The following ACYP2 variants were observed in gnomAD, a reference collection of about 807,000 sequenced individuals.
The protein encoded by ACYP2 is acylphosphatase 2.
ACYP2 carries 12 observed loss-of-function variants against 11.2 expected under a neutral mutation model. The ratio of observed to expected loss-of-function variants is 1.08; its 90% confidence interval spans 0.69 to 1.74. The LOEUF is 1.74. ACYP2 is among the 40% of genes most tolerant of loss of function. ACYP2 has a pLI of 0.00. For missense variants in ACYP2, 134 were observed against 101.9 expected, an observed-to-expected ratio of 1.31 and a Z score of -1.35; for synonymous variants, 43 against 32.2, an observed-to-expected ratio of 1.33 and a Z score of -1.13.
At chr2:54,119,624 A>G (rs1680028450) in intron 4 of ACYP2, among the ~76,000 whole-genome samples, 1 of 152,226 alleles carries the variant, frequency 6.6e-6, no homozygotes, top group South Asian at 2.1e-4. Flanking sequence ...ACCCTCCTGT[A>G]TGGAAAATTG....
intron 6 of ACYP2, among the ~76,000 whole-genome samples, chr2:54,260,553 G>A (rs906460863): frequency 5.3e-5 from 8 of 152,118 alleles, no homozygotes; most frequent in Non-Finnish European, 1.0e-4. Context: ...GCTGGAGGAC[G>A]GAAGACATAC....
chr2:54,131,344 T>C (rs2103766197), intron 4 of ACYP2, among the ~76,000 whole-genome samples: 1 of 152,348 alleles, frequency 6.6e-6, no homozygotes, highest in African/African-American at 2.4e-5. Flanking sequence ...TAATGGTCTT[T>C]GTCATCATCA....
chr2:54,235,416 T>A (rs569505114), intron 6 of ACYP2, among the ~76,000 whole-genome samples: 2 of 152,314 alleles, frequency 1.3e-5, no homozygotes, highest in South Asian at 4.2e-4. Context: ...TGGCGCAATC[T>A]CGGCTCACTG....
intron 4 of ACYP2, among the ~76,000 whole-genome samples, chr2:54,058,492 A>T (rs538160297): frequency 7.2e-5 from 11 of 152,182 alleles, no homozygotes; most frequent in African/African-American, 2.6e-4. Flanking sequence ...TGTCATTCTA[A>T]TATAATTCTA....
chr2:54,027,701 A>G (rs1325000512), intron 2 of ACYP2, among the ~76,000 whole-genome samples: 1 of 152,152 alleles, frequency 6.6e-6, no homozygotes, highest in East Asian at 1.9e-4. Context: ...TCAGGAACCA[A>G]TATTGATACA....
intron 6 of ACYP2, among the ~76,000 whole-genome samples, chr2:54,266,851 C>T (rs935027306): frequency 6.6e-5 from 10 of 151,752 alleles, no homozygotes; most frequent in Non-Finnish European, 8.8e-5. Context: ...CCTCGTGATC[C>T]GCCCGCCTCA....
intron 6 of ACYP2, among the ~76,000 whole-genome samples, chr2:54,243,693 C>G (rs1351338255): frequency 6.6e-6 from 1 of 152,068 alleles, no homozygotes; most frequent in Non-Finnish European, 1.5e-5. Flanking sequence ...CCTTAGCTTC[C>G]CAAGTACCTG....
chr2:54,274,374 A>G (rs992987184), intron 6 of ACYP2, among the ~76,000 whole-genome samples: 7 of 152,058 alleles, frequency 4.6e-5, no homozygotes, highest in Non-Finnish European at 7.4e-5. Context: ...CAGCCAAACC[A>G]TATCAACTGT....
intron 6 of ACYP2, among the ~76,000 whole-genome samples, chr2:54,213,606 T>C (rs1316119803): frequency 6.6e-6 from 1 of 152,216 alleles, no homozygotes; most frequent in Non-Finnish European, 1.5e-5. Flanking sequence ...GACTTTTTAA[T>C]AGTAGCCATT....
At chr2:54,273,864 C>T (rs1419926396) in intron 6 of ACYP2, among the ~76,000 whole-genome samples, 1 of 152,194 alleles carries the variant, frequency 6.6e-6, no homozygotes, top group Admixed American at 6.5e-5. Context: ...GAGGGAAGAC[C>T]TATACTACCA....
chr2:54,112,938 T>A (rs936336766), intron 4 of ACYP2, among the ~76,000 whole-genome samples: 3 of 152,182 alleles, frequency 2.0e-5, no homozygotes, highest in African/African-American at 7.2e-5. Flanking sequence ...TGGGTAAATG[T>A]GGAGAAAAGT....
intron 6 of ACYP2, among the ~76,000 whole-genome samples, chr2:54,258,815 G>T (rs1687661725): frequency 6.6e-6 from 1 of 152,084 alleles, no homozygotes; most frequent in Non-Finnish European, 1.5e-5. Context: ...CCTGAGACTG[G>T]GTAATTTATA....
intron 2 of ACYP2, among the ~76,000 whole-genome samples, chr2:54,020,208 A>T (rs2104545400): frequency 1.3e-5 from 2 of 152,330 alleles, no homozygotes; most frequent in Admixed American, 1.3e-4. Context: ...AAGTGCTGCG[A>T]TTACAGGCGT....
intron 4 of ACYP2, among the ~76,000 whole-genome samples, chr2:54,113,529 A>C (rs1679570134): frequency 6.6e-6 from 1 of 152,072 alleles, no homozygotes; most frequent in African/African-American, 2.4e-5. Flanking sequence ...TACAGGTGTG[A>C]GCCACCGTGC....
At chr2:54,159,393 A>G (rs1682605494) in intron 6 of ACYP2, among the ~76,000 whole-genome samples, 1 of 146,582 alleles carries the variant, frequency 6.8e-6, no homozygotes, top group African/African-American at 2.5e-5. Context: ...TTTTTTAATG[A>G]GACAGGGTCT....
At chr2:54,286,864 T>C (rs1489463571) in intron 6 of ACYP2, among the ~76,000 whole-genome samples, 4 of 152,050 alleles carry the variant, frequency 2.6e-5, no homozygotes, top group African/African-American at 9.7e-5. Context: ...TCTCAGGCTA[T>C]AATATCTAGA....
chr2:53,993,003 C>G (rs559501512), intron 2 of ACYP2, among the ~76,000 whole-genome samples: 2 of 151,612 alleles, frequency 1.3e-5, no homozygotes, highest in Non-Finnish European at 2.9e-5. Flanking sequence ...TCCAGGAGTT[C>G]GAGACCAGCC....
chr2:54,155,538 C>T lies in ACYP2; in HGVS notation c.404+16790C>T, dbSNP rs1013333201. Among the ~76,000 whole-genome samples the T allele has an allele frequency of 9.2e-5, 14 of 152,138 alleles. No individual in the cohort carries two copies. In the East Asian group the frequency reaches 9.6e-4, roughly 10 times the overall value. On this transcript the variant is annotated intron_variant, in intron 6 of 6. Coordinates refer to ENST00000607452, the MANE Select transcript of ACYP2 (RefSeq NM_001320586.2). ...GCAGCATTAGAGTCTTATAGCAGAG[C>T]GAACCCTATTGTGAACTGCGCATGC...
chr2:54,096,808 C>CAGAGGGAGACCGTGGAAAGAGAGGG (rs984160381), intron 4 of ACYP2, among the ~76,000 whole-genome samples: 1 of 126,828 alleles, frequency 7.9e-6, no homozygotes, highest in African/African-American at 2.6e-5. Context: ...GGCTCGGCAT[C>CAGAGGGAGACCGTGGAAAGAGAGGG]AGAGGGAGAC....
Sources: allele counts gnomAD v4.1 joint callset (sites outside exome capture counted in the v4.1 genomes callset), GRCh38; gene constraint gnomAD v4.1.1; transcripts MANE v1.5; gene names NCBI Gene and HGNC (gene_info 2026-07-23, HGNC 2026-07-21).